The following CR1L variants were observed in gnomAD, a reference collection of about 807,000 sequenced individuals.
The protein encoded by CR1L is complement C3b/C4b receptor 1 like.
A neutral mutation model predicts 62.3 loss-of-function variants in CR1L; 59 were observed. That is an observed-to-expected ratio of 0.95 (90% CI 0.77 to 1.18). CR1L has a LOEUF of 1.18. Among genes scored for constraint, CR1L ranks in the 50% most tolerant of loss-of-function variants. The probability of loss-of-function intolerance (pLI) is 0.00; values close to 1 mark genes in which losing one functional copy is unlikely to be tolerated. For missense variants in CR1L, 700 were observed against 702.8 expected (o/e 1.00, Z 0.04); for synonymous variants, 279 against 248.7 (o/e 1.12, Z -1.15).
intron 1 of CR1L, chr1:207,653,050 G>C (rs1337747054): frequency 2.0e-5 from 4 of 204,860 alleles, no homozygotes; most frequent in Middle Eastern, 3.7e-3. Context: ...AAACTGGATT[G>C]AAAAAATCTC....
At chr1:207,697,462 A>G (rs144349548) in intron 5 of CR1L, 41 bp from the exon 6 acceptor site, 77 of 1,613,294 alleles carry the variant, frequency 4.8e-5, no homozygotes, top group African/African-American at 4.3e-4. Flanking sequence ...GAGAAAAGTT[A>G]TTTTCACACA....
At chr1:207,671,962 C>A (rs1295545110) in intron 1 of CR1L, among the ~76,000 whole-genome samples, 1 of 150,522 alleles carries the variant, frequency 6.6e-6, no homozygotes, top group South Asian at 2.1e-4. Context: ...GAAAAGAATG[C>A]AAGACAAAAA....
chr1:207,677,549 T>C lies in CR1L; in HGVS notation c.258T>C (p.Ser86=). 1 of 1,613,804 alleles carries C rather than the reference T, an allele frequency of 6.2e-7. No individual in the cohort carries two copies. The highest frequency in any genetic ancestry group is 8.5e-7 in the Non-Finnish European group (1 of 1,179,774). ...IICLKNSVWT[S]AKDKCKRKSC... is the part of the protein sequence containing the mutation. Reference sequence around the variant, plus strand: ...GCCTAAAAAACTCAGTCTGGACAAGTGCTAAGGACAAGTGCAAACGTAAGT... The same window carrying C: ...GCCTAAAAAACTCAGTCTGGACAAGCGCTAAGGACAAGTGCAAACGTAAGT... Residue 86 remains serine, a synonymous_variant, in exon 2 of 12, where the codon AGT becomes AGC. Coordinates refer to ENST00000508064, the MANE Select transcript of CR1L (RefSeq NM_175710.2).
intron 1 of CR1L, among the ~76,000 whole-genome samples, chr1:207,670,427 A>G (rs925350964): frequency 2.0e-5 from 3 of 151,094 alleles, no homozygotes; most frequent in Non-Finnish European, 4.4e-5. Context: ...TTGAGGCCAC[A>G]TCTCTTCCTT....
rs1558018828 is a variant in CR1L at position 207,686,139 on chromosome 1, CCTTCCTT to C, written c.463+2184_463+2190del. 1.9e-4 allele frequency among the ~76,000 whole-genome samples: 9 copies of C among 48,624 alleles called. 1 individual carries two copies. Among genetic ancestry groups the C allele is most frequent in the South Asian group, 1.0e-3 (1 of 980 alleles). The allele number at this position is 48,624 out of a possible 152,430, so 31.9% of individuals were successfully genotyped here. The stretch of plus-strand genomic sequence containing the variant: ...CCCTCCCTCCCTTCCTCCCTCCCTT[CCTTCCTT>C]CCTTCCTTCCTTCCTTCCTTCCTTC... On this transcript the variant is annotated intron_variant, in intron 4 of 11. Coordinates refer to ENST00000508064, the MANE Select transcript of CR1L (RefSeq NM_175710.2).
chr1:207,661,523 T>C (rs1663423663), intron 1 of CR1L, among the ~76,000 whole-genome samples: 1 of 152,206 alleles, frequency 6.6e-6, no homozygotes, highest in African/African-American at 2.4e-5. Flanking sequence ...TCCCTTTATT[T>C]TGAGCCTATG....
chr1:207,714,494 G>A (rs1237737475), intron 10 of CR1L, among the ~76,000 whole-genome samples: 2 of 152,084 alleles, frequency 1.3e-5, no homozygotes, highest in East Asian at 1.9e-4. Context: ...ACCGGGATCC[G>A]CCCCATCTGC....
chr1:207,715,588 A>G (rs1379512852), intron 10 of CR1L, among the ~76,000 whole-genome samples: 1 of 152,262 alleles, frequency 6.6e-6, no homozygotes, highest in Non-Finnish European at 1.5e-5. Flanking sequence ...TAAATCACTT[A>G]GTTTAATGAC....
chr1:207,677,999 CAG>C (rs1375567973), intron 2 of CR1L, among the ~76,000 whole-genome samples, 197 bp from the exon 3 acceptor site: 1 of 152,156 alleles, frequency 6.6e-6, no homozygotes, highest in East Asian at 1.9e-4. Flanking sequence ...GGGGATGAAA[CAG>C]ATCTGAAAGG....
At chr1:207,705,194 T>A (rs1467998188) in intron 9 of CR1L, among the ~76,000 whole-genome samples, 1 of 152,130 alleles carries the variant, frequency 6.6e-6, no homozygotes, top group African/African-American at 2.4e-5. Flanking sequence ...GTGTCCAAAG[T>A]TTTCTCTTTT....
In CR1L at chr1:207,677,370, C is replaced by T. The variant is rs1465131209; in HGVS notation, c.98-19C>T. ...AATTTCTCCATTAACTTCGATGCTG[C>T]TGTGGTCTTGATCCCCAGATCAATG... On this transcript the variant is annotated intron_variant, in intron 1 of 11. Coordinates refer to ENST00000508064, the MANE Select transcript of CR1L (RefSeq NM_175710.2). 4.3e-6 allele frequency: 6 copies of T among 1,391,442 alleles called. No individual in the cohort carries two copies. Among genetic ancestry groups the T allele is most frequent in the Non-Finnish European group, 5.9e-6 (6 of 1,018,840 alleles). The allele number at this position is 1,391,442 out of a possible 1,614,324, so 86.2% of individuals were successfully genotyped here. A position where few individuals can be genotyped will look rare whatever the true frequency, so the allele number is the denominator to read the frequency against.
chr1:207,699,389 A>C (rs2102471500), intron 8 of CR1L, 115 bp downstream of exon 8: 1 of 1,291,922 alleles, frequency 7.7e-7, no homozygotes, highest in East Asian at 2.4e-5. Context: ...TATTGATTTG[A>C]AAATTTCTTA....
At chr1:207,665,404 A>G (rs552151051) in intron 1 of CR1L, among the ~76,000 whole-genome samples, 14 of 147,814 alleles carry the variant, frequency 9.5e-5, no homozygotes, top group African/African-American at 3.5e-4. Context: ...AGATTAAATT[A>G]TTTTTTTTTC....
Position 207,697,766 on chromosome 1 carries a change from T to A in CR1L, c.1040-5T>A. 6.2e-7 allele frequency: 1 copy of A among 1,614,042 alleles called. No individual in the cohort carries two copies. The highest frequency in any genetic ancestry group is 8.5e-7 in the Non-Finnish European group (1 of 1,179,892). On this transcript the variant is annotated splice_polypyrimidine_tract_variant and splice_region_variant and intron_variant, in intron 6 of 11. Coordinates refer to ENST00000508064, the MANE Select transcript of CR1L (RefSeq NM_175710.2). ...TTATTTCTGTTCGTTTTTCTTTTTT[T>A]CCAGTGAAATCCTGTGATGACTTCC...
intron 9 of CR1L, among the ~76,000 whole-genome samples, chr1:207,703,344 G>A (rs1664221229): frequency 6.6e-6 from 1 of 152,180 alleles, no homozygotes; most frequent in African/African-American, 2.4e-5. Context: ...AATGCTCACT[G>A]ACCATTCTAA....
chr1:207,669,543 G>A, intron 1 of CR1L: 1 of 1,570,230 alleles, frequency 6.4e-7, no homozygotes. Flanking sequence ...TCGTGGTGCT[G>A]CTCGCGCTGC....
chr1:207,651,226 AAAAAT>A (rs1365520846), intron 1 of CR1L, among the ~76,000 whole-genome samples: 1 of 152,192 alleles, frequency 6.6e-6, no homozygotes, highest in African/African-American at 2.4e-5. Context: ...AATATCTAGA[AAAAAT>A]AAGTCAAGAT....
intron 1 of CR1L, among the ~76,000 whole-genome samples, chr1:207,653,404 A>G (rs1663259289): frequency 6.6e-6 from 1 of 152,262 alleles, no homozygotes; most frequent in Non-Finnish European, 1.5e-5. Flanking sequence ...GCTATTTCTG[A>G]CAATAAGTCT....
At chr1:207,707,184 A>G (rs2102476593) in intron 9 of CR1L, among the ~76,000 whole-genome samples, 1 of 152,344 alleles carries the variant, frequency 6.6e-6, no homozygotes, top group African/African-American at 2.4e-5. Flanking sequence ...CCATATAGTA[A>G]GGGGAGGGAA....
Sources: allele counts gnomAD v4.1 joint callset (sites outside exome capture counted in the v4.1 genomes callset), GRCh38; gene constraint gnomAD v4.1.1; transcripts MANE v1.5; gene names NCBI Gene and HGNC (gene_info 2026-07-23, HGNC 2026-07-21).